The following ZNF440 variants were observed in gnomAD, a reference collection of about 807,000 sequenced individuals.
ZNF440 encodes zinc finger protein 440.
In ZNF440, 47 loss-of-function variants were observed where a neutral mutation model predicts 49.7. The observed-to-expected ratio is 0.95, with a 90% CI of 0.75 to 1.21. The LOEUF is 1.21. Ranked by LOEUF, ZNF440 falls within the 50% of genes most tolerant of loss-of-function variation. The pLI, the probability that ZNF440 is intolerant of heterozygous loss-of-function variation, is 0.00. For missense variants in ZNF440, 703 were observed against 715.0 expected (o/e 0.98, Z 0.19); for synonymous variants, 255 against 237.7 (o/e 1.07, Z -0.67).
intron 1 of ZNF440, chr19:11,817,751 G>C (rs1372511850): frequency 1.3e-5 from 2 of 151,940 alleles, no homozygotes; most frequent in Non-Finnish European, 2.9e-5. Flanking sequence ...GTGGAGGAAC[G>C]TACTGTCTAA....
intron 1 of ZNF440, among the ~76,000 whole-genome samples, chr19:11,826,325 T>C (rs951716306): frequency 6.6e-6 from 1 of 152,184 alleles, no homozygotes; most frequent in African/African-American, 2.4e-5. Context: ...TATCTATTTT[T>C]TTTTTTTAAG....
chr19:11,827,939 A>G (rs1483146780), intron 1 of ZNF440, among the ~76,000 whole-genome samples: 1 of 151,976 alleles, frequency 6.6e-6, no homozygotes, highest in East Asian at 1.9e-4. Flanking sequence ...CTCTCTTGTC[A>G]TCTTATGGAA....
intron 3 of ZNF440, among the ~76,000 whole-genome samples, chr19:11,830,968 A>C (rs569586977): frequency 6.6e-6 from 1 of 152,130 alleles, no homozygotes; most frequent in Admixed American, 6.6e-5. Flanking sequence ...TTAGCTGGGC[A>C]TTGTGGTCTG....
At chr19:11,829,958 A>G (rs779953747) in intron 1 of ZNF440, 112 of 278,194 alleles carry the variant, frequency 4.0e-4, no homozygotes, top group Non-Finnish European at 6.1e-4. Flanking sequence ...CTCTGTCTCT[A>G]CTAAAAATAC....
In ZNF440 at chr19:11,832,141, CCT is replaced by C. The variant is rs1210864972; in HGVS notation, c.970_971del (p.Leu324TyrfsTer17). On this transcript the variant is annotated frameshift_variant, in exon 4 of 4. Coordinates refer to ENST00000304060, the MANE Select transcript of ZNF440 (RefSeq NM_152357.3). LOFTEE classifies it high-confidence loss of function. ...TGTAAGCAGTGTGGGAAAGCATTAT[CCT>C]CTCTTACAAGTTTTCAAACACACGT... 1 of 1,614,190 alleles carries C rather than the reference CCT, an allele frequency of 6.2e-7. No homozygotes were observed. Among genetic ancestry groups the C allele is most frequent in the Admixed American group, 1.7e-5 (1 of 60,020 alleles).
Position 11,818,788 on chromosome 19 carries a change from C to G in ZNF440, c.3+4338C>G, listed in dbSNP as rs562078333. On this transcript the variant is annotated intron_variant, in intron 1 of 3. Transcript: ENST00000304060. ...CTCCTGGCCTCAAACAGTCTTCCTTCTTTGGCTTCCAAAATAGCTGAGATT... is the reference window on the plus strand; with the variant it reads ...CTCCTGGCCTCAAACAGTCTTCCTTGTTTGGCTTCCAAAATAGCTGAGATT... Among the ~76,000 whole-genome samples, 11 of 152,298 alleles carry G rather than the reference C, an allele frequency of 7.2e-5. No homozygotes were observed. In the South Asian group the frequency reaches 1.7e-3, roughly 23 times the overall value.
intron 1 of ZNF440, among the ~76,000 whole-genome samples, chr19:11,829,585 C>T (rs1418216934): frequency 2.6e-5 from 4 of 152,092 alleles, no homozygotes; most frequent in Non-Finnish European, 5.9e-5. Flanking sequence ...AGGGACAGCC[C>T]AGGCAACCCG....
At chr19:11,828,405 A>G in intron 1 of ZNF440, among the ~76,000 whole-genome samples, 1 of 152,086 alleles carries the variant, frequency 6.6e-6, no homozygotes, top group Middle Eastern at 3.2e-3. Context: ...GGCTGGTCTC[A>G]AACTGCTGAC....
chr19:11,828,663 T>G (rs480794), intron 1 of ZNF440, among the ~76,000 whole-genome samples: 57,188 of 151,388 alleles, frequency 0.38, 11,160 homozygotes, highest in African/African-American at 0.46. Context: ...TGTAGTTTAG[T>G]CCAAGATGTT....
Position 11,818,587 on chromosome 19 carries a change from T to A in ZNF440, c.3+4137T>A, listed in dbSNP as rs146537712. Among the ~76,000 whole-genome samples, 886 of 152,300 alleles carry A rather than the reference T, an allele frequency of 5.8e-3. 11 individuals are homozygous for A. The highest frequency in any genetic ancestry group is 0.02 in the African/African-American group (829 of 41,558). On this transcript the variant is annotated intron_variant, in intron 1 of 3. Transcript: ENST00000304060. ...TATTATTATAGACAATATCTTGCTC[T>A]GTGGCCCAGGCTGGAGCAGTGGTGC...
At position 11,832,061 on chromosome 19, in the gene ZNF440, T is replaced by A. The variant is rs1341170395; in HGVS notation, c.885T>A (p.Cys295Ter). 1 of 1,614,090 alleles carries A rather than the reference T, an allele frequency of 6.2e-7. No individual in the cohort carries two copies. Among genetic ancestry groups the A allele is most frequent in the Non-Finnish European group, 8.5e-7 (1 of 1,180,002 alleles). The change falls in exon 4 of 4, where the codon TGT (cysteine) becomes TGA (stop). Residue 295 changes from cysteine to a stop codon, truncating the protein, a stop_gained. Coordinates refer to ENST00000304060, the MANE Select transcript of ZNF440 (RefSeq NM_152357.3). LOFTEE classifies it high-confidence loss of function. ...QCKECGKAFT[C>*]PRYVRIHERT... ...AGGAATGTGGAAAAGCATTCACGTG[T>A]CCCCGTTATGTTCGTATACATGAAA...
chr19:11,832,430 C>T lies in ZNF440; in HGVS notation c.1254C>T (p.His418=), dbSNP rs767296507. The T allele has an allele frequency of 6.2e-7, 1 of 1,613,706 alleles. No individual in the cohort carries two copies. Among genetic ancestry groups the T allele is most frequent in the South Asian group, 1.1e-5 (1 of 91,056 alleles). ...ACCTTCGAGTGCATGGTAGGACTCA[C>T]ACTGGAGAGAAACCGTATGAATGTA... ...ASHLRVHGRT[H]TGEKPYECKE... is the part of the protein sequence containing the mutation. The change falls in exon 4 of 4, where the codon CAC becomes CAT. Residue 418 remains histidine, a synonymous_variant. Coordinates refer to ENST00000304060, the MANE Select transcript of ZNF440 (RefSeq NM_152357.3).
intron 1 of ZNF440, among the ~76,000 whole-genome samples, chr19:11,815,099 A>AC (rs937659359): frequency 5.9e-5 from 9 of 151,636 alleles, no homozygotes; most frequent in African/African-American, 2.2e-4. Flanking sequence ...ACACGGTGAA[A>AC]CCCCGTCTCC....
rs1398858599 is a variant in ZNF440, at chr19:11,833,309, G to A, written c.*345G>A. 1.8e-6 allele frequency: 1 copy of A among 544,500 alleles called. No individual in the cohort carries two copies. Among genetic ancestry groups the A allele is most frequent in the East Asian group, 4.5e-5 (1 of 22,244 alleles). The allele number at this position is 544,500 out of a possible 1,614,324, so 33.7% of individuals were successfully genotyped here. ...GCAAATACATGAAAGGATGCACAGA[G>A]GAGAGAAGCTCTGTGAATGTAAGCA... On this transcript the variant is annotated 3_prime_UTR_variant, in exon 4 of 4. Transcript: ENST00000304060.
At chr19:11,831,011 A>G (rs1975930234) in intron 3 of ZNF440, among the ~76,000 whole-genome samples, 1 of 152,206 alleles carries the variant, frequency 6.6e-6, no homozygotes, top group Non-Finnish European at 1.5e-5. Flanking sequence ...TGAGTGAGGC[A>G]GGAGGATCAC....
intron 1 of ZNF440, among the ~76,000 whole-genome samples, chr19:11,820,518 G>A (rs527950860): frequency 5.3e-5 from 8 of 151,994 alleles, no homozygotes; most frequent in Admixed American, 1.3e-4. Flanking sequence ...CACTGTGCCC[G>A]GCCCTACACC....
intron 1 of ZNF440, among the ~76,000 whole-genome samples, chr19:11,821,803 T>C (rs1346728241): frequency 6.6e-6 from 1 of 152,220 alleles, no homozygotes; most frequent in Non-Finnish European, 1.5e-5. Context: ...TTACATTGCA[T>C]TTGTCACTAG....
intron 1 of ZNF440, chr19:11,816,484 T>C (rs1975733824): frequency 6.6e-6 from 1 of 152,186 alleles, no homozygotes; most frequent in Non-Finnish European, 1.5e-5. Flanking sequence ...TGAATGTGCG[T>C]CAGTTGCTGC....
In ZNF440 at chr19:11,818,056, T is replaced by A. The variant is rs915017501; in HGVS notation, c.3+3606T>A. Among the ~76,000 whole-genome samples the A allele has an allele frequency of 5.3e-5, 8 of 151,838 alleles. No homozygotes were observed. The East Asian group carries it at 1.5e-3, about 29-fold the overall frequency. On this transcript the variant is annotated intron_variant, in intron 1 of 3. Transcript: ENST00000304060. ...TCTGTACTAAAAATACAAAAAAAAA[T>A]TAACTGGGCATGGTGGCATGTGCCT...
Sources: gnomAD v4.1 joint callset for allele counts (sites outside exome capture counted in the v4.1 genomes callset) on GRCh38, gnomAD v4.1.1 for gene constraint, MANE v1.5 for transcripts, NCBI Gene and HGNC (gene_info 2026-07-23, HGNC 2026-07-21) for gene names.